The following MCM3AP variants were observed in gnomAD, a reference collection of about 807,000 sequenced individuals.
MCM3AP encodes germinal-center associated nuclear protein.
A neutral mutation model predicts 184.1 loss-of-function variants in MCM3AP; 126 were observed. That is an observed-to-expected ratio of 0.68 (90% CI 0.59 to 0.79). MCM3AP has a LOEUF of 0.79. Ranked by LOEUF, MCM3AP falls within the 30% of genes least tolerant of loss-of-function variation. The probability of loss-of-function intolerance (pLI) is 0.00; values close to 1 mark genes in which losing one functional copy is unlikely to be tolerated. For missense variants in MCM3AP, 2,496 were observed against 2,479.2 expected (o/e 1.01, Z -0.14); for synonymous variants, 1,002 against 979.3 (o/e 1.02, Z -0.43).
chr21:46,271,961 A>G (rs562932096), intron 8 of MCM3AP, among the ~76,000 whole-genome samples: 6 of 152,034 alleles, frequency 3.9e-5, no homozygotes, highest in Admixed American at 1.3e-4. Context: ...GAGGTTCACC[A>G]TTGATAGGGG....
chr21:46,246,935 A>C, intron 20 of MCM3AP, 49 bp from the exon 21 acceptor site: 1 of 1,588,680 alleles, frequency 6.3e-7, no homozygotes. Flanking sequence ...GGGACGCATC[A>C]GCAGTGACTG....
At chr21:46,269,113 A>G (rs2081148620) in intron 9 of MCM3AP, among the ~76,000 whole-genome samples, 1 of 152,138 alleles carries the variant, frequency 6.6e-6, no homozygotes, top group East Asian at 1.9e-4. Context: ...ATACAACATT[A>G]ACTATGTTTT....
intron 13 of MCM3AP, 51 bp from the exon 14 acceptor site, chr21:46,261,462 C>G (rs112898112): frequency 1.3e-6 from 2 of 1,575,224 alleles, no homozygotes; most frequent in Non-Finnish European, 1.7e-6. Flanking sequence ...AGGCCGGGTG[C>G]GGTGGCTCAC....
At position 46,240,850 on chromosome 21, in the gene MCM3AP, A is replaced by C. The variant is rs373688841; in HGVS notation, c.5594T>G (p.Leu1865Trp). 1 of 1,614,106 alleles carries C rather than the reference A, an allele frequency of 6.2e-7. No individual in the cohort carries two copies. Among genetic ancestry groups the C allele is most frequent in the African/African-American group, 1.3e-5 (1 of 74,944 alleles). The change falls in exon 26 of 28, where the codon TTG becomes TGG. Residue 1865 changes from leucine to tryptophan, a missense_variant. Coordinates refer to ENST00000291688, the MANE Select transcript of MCM3AP (RefSeq NM_003906.5). ...TTTCTCCAGCAGCAGACTGCTCGAC[A>C]AACACTGCGCCAAGAGCTCCTCAGC... ...ASAEELLAQC[L>W]SSSLLLEKEE...
At chr21:46,282,830 G>T (rs536522062) in intron 2 of MCM3AP, among the ~76,000 whole-genome samples, 5 of 152,064 alleles carry the variant, frequency 3.3e-5, no homozygotes, top group Admixed American at 2.0e-4. Flanking sequence ...TAAATAAAAA[G>T]AAAGTATTAT....
In MCM3AP at chr21:46,238,292, T is replaced by C. The variant is rs1022713408; in HGVS notation, c.5634-1313A>G. Among the ~76,000 whole-genome samples, 12 of 120,682 alleles carry C rather than the reference T, an allele frequency of 9.9e-5. 3 individuals are homozygous for C. The highest frequency in any genetic ancestry group is 4.0e-4 in the African/African-American group (12 of 29,912). The allele number at this position is 120,682 out of a possible 152,430, so 79.2% of individuals were successfully genotyped here. A position where few individuals can be genotyped will look rare whatever the true frequency, so the allele number is the denominator to read the frequency against. Reference sequence around the variant, plus strand: ...TTGGTTTTATGCATCTATAATTAATTCTTCTGACATTTTCCAAATGAGTGG... The same window carrying C: ...TTGGTTTTATGCATCTATAATTAATCCTTCTGACATTTTCCAAATGAGTGG... On this transcript the variant is annotated intron_variant, in intron 26 of 27. Coordinates refer to ENST00000291688, the MANE Select transcript of MCM3AP (RefSeq NM_003906.5).
intron 10 of MCM3AP, 93 bp downstream of exon 10, chr21:46,266,889 A>C (rs537906189): frequency 1.4e-6 from 2 of 1,388,398 alleles, no homozygotes; most frequent in South Asian, 2.7e-5. Context: ...ACCTTCTTCA[A>C]GTCAGGCAAG....
chr21:46,255,585 G>A (rs1394345059), intron 17 of MCM3AP, among the ~76,000 whole-genome samples: 1 of 152,090 alleles, frequency 6.6e-6, no homozygotes, highest in Admixed American at 6.5e-5. Context: ...AGGAGGACAG[G>A]ACGGCATCCT....
At chr21:46,246,480 C>T (rs764050272) in intron 21 of MCM3AP, 76 bp from the exon 22 acceptor site, 1 of 1,382,086 alleles carries the variant, frequency 7.2e-7, no homozygotes, top group South Asian at 1.2e-5. Flanking sequence ...ACTGTGCTGA[C>T]CCCACCCAGT....
At chr21:46,269,088 G>A (rs185883509) in intron 9 of MCM3AP, among the ~76,000 whole-genome samples, 12 of 152,170 alleles carry the variant, frequency 7.9e-5, no homozygotes, top group Admixed American at 2.0e-4. Flanking sequence ...TTCTACTAAC[G>A]CTCAATCATC....
At chr21:46,241,261 T>TC in intron 25 of MCM3AP, 2 of 448,478 alleles carry the variant, frequency 4.5e-6, no homozygotes. Flanking sequence ...CACAGAGGCA[T>TC]TGAGACTGCC....
chr21:46,270,773 C>T lies in MCM3AP; in HGVS notation c.2466-210G>A, dbSNP rs551891056. On this transcript the variant is annotated intron_variant, in intron 8 of 27. Coordinates refer to ENST00000291688, the MANE Select transcript of MCM3AP (RefSeq NM_003906.5). ...GAGCTGTGATCGCATCACTGTACTC[C>T]AGCCTGGGTGACAGAGCAAGACCCT... Among the ~76,000 whole-genome samples, 57 of 152,144 alleles carry T rather than the reference C, an allele frequency of 3.7e-4. 1 individual carries two copies. Among genetic ancestry groups the T allele is most frequent in the Admixed American group, 7.9e-4 (12 of 15,264 alleles).
chr21:46,285,498 G>T lies in MCM3AP; in HGVS notation c.-212C>A. On this transcript the variant is annotated 5_prime_UTR_variant, in exon 1 of 28. The change creates a new upstream start codon in the 5' untranslated region. Transcript: ENST00000291688. ...TAAAAGGATAACTATTTCAAAGGCAGGCAAAGGGTTATTATTTTCTGAGAG... is the reference window on the plus strand; with the variant it reads ...TAAAAGGATAACTATTTCAAAGGCATGCAAAGGGTTATTATTTTCTGAGAG... 1 of 559,698 alleles carries T rather than the reference G, an allele frequency of 1.8e-6. No homozygotes were observed. The highest frequency in any genetic ancestry group is 2.4e-5 in the South Asian group (1 of 42,248). 34.7% of individuals were successfully genotyped at this position (559,698 alleles called of 1,614,324 possible).
chr21:46,242,633 CT>C (rs2080687560), intron 25 of MCM3AP, 168 bp downstream of exon 25: 2 of 555,752 alleles, frequency 3.6e-6, no homozygotes, highest in African/African-American at 2.0e-5. Flanking sequence ...GATGCTTTAA[CT>C]TTGTTCTAGA....
intron 13 of MCM3AP, among the ~76,000 whole-genome samples, chr21:46,261,732 C>CA (rs58763611): frequency 0.053 from 5,877 of 110,794 alleles, 383 homozygotes; most frequent in African/African-American, 0.18. Context: ...GACTCTGTCT[C>CA]AAAAAAAAAA....
chr21:46,282,843 A>C (rs141126447), intron 2 of MCM3AP, among the ~76,000 whole-genome samples: 1 of 152,162 alleles, frequency 6.6e-6, no homozygotes. Context: ...AGTATTATGC[A>C]TACATTTAAA....
In MCM3AP at chr21:46,280,033, C is replaced by A. The variant is rs1239730911; in HGVS notation, c.1627G>T (p.Ala543Ser). 1 of 1,613,994 alleles carries A rather than the reference C, an allele frequency of 6.2e-7. No individual in the cohort carries two copies. The highest frequency in any genetic ancestry group is 8.5e-7 in the Non-Finnish European group (1 of 1,180,000). ...APFQHSPLGK[A>S]AGRTGASSLL... ...CTGCTAGCACCAGTCCTCCCTGCGG[C>A]CTTGCCAAGAGGAGAGTGCTGAAAG... Residue 543 changes from alanine to serine, a missense_variant, in exon 4 of 28, where the codon GCC (alanine) becomes TCC (serine). Physicochemically the swap from Ala to Ser is moderately conservative, Grantham distance 99. Coordinates refer to ENST00000291688, the MANE Select transcript of MCM3AP (RefSeq NM_003906.5).
At chr21:46,243,005 A>C in intron 24 of MCM3AP, 74 bp from the exon 25 acceptor site, 1 of 1,277,442 alleles carries the variant, frequency 7.8e-7, no homozygotes, top group Non-Finnish European at 1.1e-6. Context: ...AAAAACACAC[A>C]CAAAAAAACA....
chr21:46,263,255 G>T (rs1002822993), intron 13 of MCM3AP, among the ~76,000 whole-genome samples: 1 of 151,618 alleles, frequency 6.6e-6, no homozygotes, highest in Non-Finnish European at 1.5e-5. Context: ...GCTTGAATCC[G>T]GGAGGTGGGG....
Sources: allele counts gnomAD v4.1 joint callset (sites outside exome capture counted in the v4.1 genomes callset), GRCh38; gene constraint gnomAD v4.1.1; transcripts MANE v1.5; gene names NCBI Gene and HGNC (gene_info 2026-07-23, HGNC 2026-07-21).